The following ABI1 variants were observed in gnomAD, a reference collection of about 807,000 sequenced individuals.
ABI1 encodes the protein abl interactor 1.
Under a neutral mutation model 54.6 loss-of-function variants are expected in ABI1, and 14 were observed. The observed-to-expected ratio is 0.26, with a 90% CI of 0.17 to 0.40. The LOEUF is 0.40. Ranked by LOEUF, ABI1 falls within the 10% of genes least tolerant of loss-of-function variation. The pLI, the probability that ABI1 is intolerant of heterozygous loss-of-function variation, is 1.00. For synonymous variants in ABI1, 194 were observed against 209.3 expected (o/e 0.93, Z 0.63); for missense variants, 443 against 598.3 (o/e 0.74, Z 2.71).
At chr10:26,858,666 G>T (rs542897393) in intron 1 of ABI1, among the ~76,000 whole-genome samples, 1 of 151,044 alleles carries the variant, frequency 6.6e-6, no homozygotes, top group Non-Finnish European at 1.5e-5. Context: ...TATTAGCAAT[G>T]AAGTTTTAAA....
intron 2 of ABI1, among the ~76,000 whole-genome samples, chr10:26,787,815 C>A (rs1207213241): frequency 1.3e-5 from 2 of 150,492 alleles, no homozygotes; most frequent in African/African-American, 4.9e-5. Context: ...TTGAGAAGAA[C>A]TAGATGGCCC....
intron 7 of ABI1, among the ~76,000 whole-genome samples, chr10:26,761,542 T>C (rs1839160803): frequency 6.8e-6 from 1 of 147,704 alleles, no homozygotes; most frequent in African/African-American, 2.5e-5. Flanking sequence ...AGGCTTCCTG[T>C]GTGCTCCTCT....
At chr10:26,824,093 A>T (rs945744430) in intron 1 of ABI1, among the ~76,000 whole-genome samples, 2 of 152,214 alleles carry the variant, frequency 1.3e-5, no homozygotes, top group African/African-American at 4.8e-5. Flanking sequence ...CTACACAGAA[A>T]AAAAAAATGG....
At chr10:26,785,757 G>T (rs1185427332) in intron 2 of ABI1, among the ~76,000 whole-genome samples, 2 of 151,884 alleles carry the variant, frequency 1.3e-5, no homozygotes, top group Admixed American at 1.3e-4. Context: ...TCCCTCCAGG[G>T]TGAAGTTCAG....
intron 2 of ABI1, among the ~76,000 whole-genome samples, chr10:26,805,108 ACG>A (rs2046799254): frequency 2.0e-5 from 3 of 152,294 alleles, no homozygotes; most frequent in African/African-American, 7.2e-5. Context: ...AAAAACAAAG[ACG>A]CACAAATTTA....
intron 2 of ABI1, 32 bp downstream of exon 2, chr10:26,823,106 A>G: frequency 6.5e-7 from 1 of 1,540,700 alleles, no homozygotes; most frequent in Admixed American, 2.3e-5. Flanking sequence ...GTTTTTTTTA[A>G]ATTGAATTTA....
intron 1 of ABI1, among the ~76,000 whole-genome samples, chr10:26,835,777 A>ATT (rs71281567): frequency 5.8e-4 from 84 of 144,420 alleles, no homozygotes; most frequent in African/African-American, 1.0e-3. Flanking sequence ...TTTTACTAAT[A>ATT]TTTTTTTTTT....
intron 2 of ABI1, among the ~76,000 whole-genome samples, chr10:26,783,336 T>C (rs1301760004): frequency 6.6e-6 from 1 of 152,204 alleles, no homozygotes; most frequent in Non-Finnish European, 1.5e-5. Flanking sequence ...GTATAGGGTT[T>C]AATTTCTACA....
intron 1 of ABI1, among the ~76,000 whole-genome samples, chr10:26,855,711 C>A (rs1323090332): frequency 6.6e-6 from 1 of 152,184 alleles, no homozygotes; most frequent in Non-Finnish European, 1.5e-5. Context: ...TGGCTCACAC[C>A]TGTAATCCCA....
intron 1 of ABI1, among the ~76,000 whole-genome samples, chr10:26,830,926 T>C (rs971724177): frequency 4.6e-5 from 7 of 152,164 alleles, no homozygotes; most frequent in African/African-American, 1.2e-4. Flanking sequence ...AGACAGTGTC[T>C]TTCTCTGTAC....
Position 26,790,360 on chromosome 10 carries a change from T to C in ABI1, c.286-13119A>G, listed in dbSNP as rs556945044. ...ATGAGATGGTAGCTCATTGTGGTTTTTATTTGCATTTCTTTAATGGTCAGT... is the reference window on the plus strand; with the variant it reads ...ATGAGATGGTAGCTCATTGTGGTTTCTATTTGCATTTCTTTAATGGTCAGT... On this transcript the variant is annotated intron_variant, in intron 2 of 10. Transcript: ENST00000376140. 2.2e-4 allele frequency among the ~76,000 whole-genome samples: 33 copies of C among 152,354 alleles called. No homozygotes were observed. In the South Asian group the frequency reaches 5.6e-3, roughly 26 times the overall value.
At chr10:26,768,288 G>C (rs1383622523) in intron 6 of ABI1, among the ~76,000 whole-genome samples, 1 of 151,960 alleles carries the variant, frequency 6.6e-6, no homozygotes, top group Non-Finnish European at 1.5e-5. Flanking sequence ...GCTCACACCT[G>C]TAATCCCAGC....
chr10:26,818,706 C>G (rs1056392250), intron 2 of ABI1, among the ~76,000 whole-genome samples: 1 of 150,998 alleles, frequency 6.6e-6, no homozygotes, highest in African/African-American at 2.4e-5. Flanking sequence ...TGACACAAGC[C>G]AGGCGTGGCG....
At chr10:26,803,999 T>TA (rs10709220) in intron 2 of ABI1, among the ~76,000 whole-genome samples, 135 of 146,280 alleles carry the variant, frequency 9.2e-4, no homozygotes, top group South Asian at 1.3e-3. Flanking sequence ...AAGGATGAAA[T>TA]AAAAAAAAAA....
intron 1 of ABI1, among the ~76,000 whole-genome samples, chr10:26,824,639 T>C (rs867082522): frequency 1.3e-5 from 2 of 151,890 alleles, no homozygotes; most frequent in South Asian, 2.1e-4. Flanking sequence ...AAAATGTGTA[T>C]AATATGCTAC....
intron 6 of ABI1, among the ~76,000 whole-genome samples, chr10:26,768,477 G>A (rs1462153239): frequency 6.6e-6 from 1 of 151,646 alleles, no homozygotes; most frequent in Non-Finnish European, 1.5e-5. Context: ...GGCAGAGGTT[G>A]CAGTGAGCCG....
chr10:26,776,943 T>C, intron 3 of ABI1, 122 bp downstream of exon 3: 1 of 907,320 alleles, frequency 1.1e-6, no homozygotes, highest in Non-Finnish European at 1.6e-6. Context: ...AAATATTGTA[T>C]GAAAATTATA....
chr10:26,824,593 C>T (rs1449099121), intron 1 of ABI1, among the ~76,000 whole-genome samples: 4 of 151,088 alleles, frequency 2.6e-5, no homozygotes, highest in Admixed American at 2.6e-4. Flanking sequence ...CCATGATCTC[C>T]AGAATATTGC....
chr10:26,751,093 T>G (rs1837566071), intron 10 of ABI1, among the ~76,000 whole-genome samples: 1 of 152,176 alleles, frequency 6.6e-6, no homozygotes, highest in Admixed American at 6.5e-5. Flanking sequence ...AACTTGTATT[T>G]TTTTTACTTA....
Sources: gnomAD v4.1 joint callset for allele counts (sites outside exome capture counted in the v4.1 genomes callset) on GRCh38, gnomAD v4.1.1 for gene constraint, MANE v1.5 for transcripts, NCBI Gene and HGNC (gene_info 2026-07-23, HGNC 2026-07-21) for gene names.